The following CRACDL variants were observed in gnomAD, a reference collection of about 807,000 sequenced individuals.
The protein encoded by CRACDL is CRACD-like protein.
Under a neutral mutation model 70.6 loss-of-function variants are expected in CRACDL, and 26 were observed. The ratio of observed to expected loss-of-function variants is 0.37; its 90% CI spans 0.27 to 0.51. The LOEUF is 0.51. Ranked by LOEUF, CRACDL falls within the 20% of genes least tolerant of loss-of-function variation. The probability of loss-of-function intolerance (pLI) is 0.94; values close to 1 mark genes in which losing one functional copy is unlikely to be tolerated. For synonymous variants in CRACDL, 618 were observed against 615.2 expected (o/e 1.00, Z -0.07); for missense variants, 1,283 against 1,376.9 (o/e 0.93, Z 1.08).
intron 1 of CRACDL, among the ~76,000 whole-genome samples, chr2:98,921,759 GTC>G (rs1708807950): frequency 6.6e-6 from 1 of 152,168 alleles, no homozygotes; most frequent in African/African-American, 2.4e-5. Context: ...CTGAGGTGGG[GTC>G]TCTCTGTGCT....
Position 98,822,328 on chromosome 2 carries a change from C to G in CRACDL, c.1945G>C (p.Gly649Arg), listed in dbSNP as rs1218627066. The G allele has an allele frequency of 2.7e-5, 39 of 1,459,380 alleles. No individual in the cohort carries two copies. The highest frequency in any genetic ancestry group is 3.3e-5 in the Non-Finnish European group (37 of 1,117,576). 90.4% of individuals were successfully genotyped at this position (1,459,380 alleles called of 1,614,324 possible). The change falls in exon 7 of 10, where the codon GGG becomes CGG. Residue 649 changes from glycine to arginine, a missense_variant. Physicochemically the swap from Gly to Arg is moderately radical, Grantham distance 125 (BLOSUM62 -2). Coordinates refer to ENST00000397899, the MANE Select transcript of CRACDL (RefSeq NM_207362.3). The surrounding 1 kb of genome is among the most constrained non-coding windows in gnomAD (Gnocchi z 4.9). Reference protein sequence around the residue: ...DSGDRAASPAGPRKSPQEAAA... With the variant: ...DSGDRAASPARPRKSPQEAAA... Reference sequence around the variant, plus strand: ...GCCTCCTGAGGGCTCTTGCGCGGCCCGGCCGGGCTGGCCGCCCTGTCCCCC... The same window carrying G: ...GCCTCCTGAGGGCTCTTGCGCGGCCGGGCCGGGCTGGCCGCCCTGTCCCCC...
At chr2:98,844,761 G>A (rs1376370923) in intron 2 of CRACDL, among the ~76,000 whole-genome samples, 1 of 152,170 alleles carries the variant, frequency 6.6e-6, no homozygotes, top group Non-Finnish European at 1.5e-5. Flanking sequence ...TCATGATACT[G>A]AAAATATATT....
intron 7 of CRACDL, among the ~76,000 whole-genome samples, chr2:98,816,213 C>T (rs946959133): frequency 1.3e-5 from 2 of 152,196 alleles, no homozygotes; most frequent in African/African-American, 4.8e-5. Flanking sequence ...CCAGCTCCTC[C>T]TCTTACCTAC....
At chr2:98,914,847 C>T (rs1459746800) in intron 1 of CRACDL, among the ~76,000 whole-genome samples, 1 of 152,196 alleles carries the variant, frequency 6.6e-6, no homozygotes, top group African/African-American at 2.4e-5. Context: ...TCCTCCTGTG[C>T]CCGGTTAGAC....
intron 7 of CRACDL, among the ~76,000 whole-genome samples, chr2:98,810,493 A>G (rs767717220): frequency 6.6e-6 from 1 of 152,180 alleles, no homozygotes; most frequent in Non-Finnish European, 1.5e-5. Context: ...TGTAGGTGTC[A>G]GGTTAAAGAT....
intron 1 of CRACDL, among the ~76,000 whole-genome samples, chr2:98,931,850 CAT>C (rs1709087499): frequency 6.6e-6 from 1 of 152,204 alleles, no homozygotes; most frequent in Admixed American, 6.5e-5. Context: ...CATTTCCCAT[CAT>C]TTCACTGCTA....
chr2:98,906,704 C>T (rs113950482), intron 1 of CRACDL, among the ~76,000 whole-genome samples: 12 of 152,174 alleles, frequency 7.9e-5, no homozygotes, highest in African/African-American at 2.4e-4. Flanking sequence ...ATTTATCGAC[C>T]TTTTCTCTTT....
At chr2:98,811,994 T>G (rs931539584) in intron 7 of CRACDL, among the ~76,000 whole-genome samples, 2 of 152,336 alleles carry the variant, frequency 1.3e-5, no homozygotes, top group South Asian at 4.1e-4. Context: ...TTTTTACTTT[T>G]GAGACAGTGT....
At chr2:98,907,964 C>T (rs1336387664) in intron 1 of CRACDL, among the ~76,000 whole-genome samples, 1 of 152,190 alleles carries the variant, frequency 6.6e-6, no homozygotes. Context: ...ACGTGTTAAA[C>T]ATCTCTGCAA....
At position 98,797,455 on chromosome 2, in the gene CRACDL, C is replaced by T. The variant is rs1024393973; in HGVS notation, c.2499G>A (p.Lys833=). 1 of 1,614,272 alleles carries T rather than the reference C, an allele frequency of 6.2e-7. No homozygotes were observed. Among genetic ancestry groups the T allele is most frequent in the Non-Finnish European group, 8.5e-7 (1 of 1,180,054 alleles). ...GTGGCTGGTCCAAGGTCCCCCTCCG[C>T]TTCTGCCGAGTGACGGTGATCCAGG... ...APPWITVTRQ[K]RRGTLDQPPN... is the part of the protein sequence containing the mutation. Residue 833 remains lysine, a synonymous_variant, in exon 8 of 10, where the codon AAG becomes AAA. Coordinates refer to ENST00000397899, the MANE Select transcript of CRACDL (RefSeq NM_207362.3).
At position 98,879,638 on chromosome 2, in the gene CRACDL, T is replaced by G. The variant is rs1051992146; in HGVS notation, c.-10-32828A>C. On this transcript the variant is annotated intron_variant, in intron 1 of 9. Transcript: ENST00000397899. ...ATCTCGGCTCACTGCAACCTTTCCC[T>G]CCTGGGTTCAAGCAATTCTCCTGCC... 2.6e-5 allele frequency among the ~76,000 whole-genome samples: 4 copies of G among 152,200 alleles called. No individual in the cohort carries two copies. The East Asian group carries it at 7.7e-4, about 29-fold the overall frequency.
At chr2:98,922,766 G>A (rs1004004848) in intron 1 of CRACDL, among the ~76,000 whole-genome samples, 4 of 152,196 alleles carry the variant, frequency 2.6e-5, no homozygotes, top group African/African-American at 9.6e-5. Flanking sequence ...CTTGTGAGGG[G>A]CCAGGGAGGA....
At chr2:98,803,282 GA>G (rs1444142440) in intron 7 of CRACDL, among the ~76,000 whole-genome samples, 1 of 152,122 alleles carries the variant, frequency 6.6e-6, no homozygotes, top group African/African-American at 2.4e-5. Flanking sequence ...TTACAGGCAT[GA>G]GCCACTGTGC....
Position 98,797,494 on chromosome 2 carries a change from C to T in CRACDL, c.2460G>A (p.Gly820=), listed in dbSNP as rs1366241074. 6.2e-7 allele frequency: 1 copy of T among 1,614,020 alleles called. No individual in the cohort carries two copies. Among genetic ancestry groups the T allele is most frequent in the African/African-American group, 1.3e-5 (1 of 74,932 alleles). Residue 820 remains glycine, a synonymous_variant, in exon 8 of 10, where the codon GGG becomes GGA. Transcript: ENST00000397899. ...CGGTGATCCAGGGTGGCGCAGGCTG[C>T]CCATCAGCTCCAGGCCCTGTTGCTG... is the stretch of plus-strand genomic sequence containing the variant. ...PPAATGPGAD[G]QPAPPWITVT...
intron 3 of CRACDL, among the ~76,000 whole-genome samples, chr2:98,834,362 C>T (rs1401066304): frequency 6.6e-6 from 1 of 152,200 alleles, no homozygotes; most frequent in Non-Finnish European, 1.5e-5. Context: ...CCATGAATGT[C>T]ATACAATGGA....
intron 1 of CRACDL, among the ~76,000 whole-genome samples, chr2:98,866,029 C>T (rs532411685): frequency 1.7e-3 from 265 of 152,178 alleles, no homozygotes; most frequent in African/African-American, 6.3e-3. Context: ...GTGTGCAAAA[C>T]CTTCTCTGTC....
chr2:98,827,196 G>A (rs1705341123), intron 5 of CRACDL, 27 bp from the exon 6 acceptor site: 8 of 1,562,328 alleles, frequency 5.1e-6, no homozygotes, highest in African/African-American at 4.0e-5. Flanking sequence ...ACAAACACAC[G>A]GAGCATGAAC....
intron 7 of CRACDL, among the ~76,000 whole-genome samples, chr2:98,800,306 G>T (rs1704019946): frequency 1.3e-5 from 2 of 152,194 alleles, no homozygotes; most frequent in Admixed American, 6.5e-5. Flanking sequence ...CTTCTGGGTT[G>T]GGATCTGGAG....
At chr2:98,849,222 G>T (rs1352282197) in intron 1 of CRACDL, among the ~76,000 whole-genome samples, 1 of 152,222 alleles carries the variant, frequency 6.6e-6, no homozygotes, top group African/African-American at 2.4e-5. Context: ...TCATGCACTG[G>T]GTCTGATGGG....
Sources: gnomAD v4.1 joint callset for allele counts (sites outside exome capture counted in the v4.1 genomes callset) on GRCh38, gnomAD v4.1.1 for gene constraint, Gnocchi (gnomAD v3.1) non-coding constraint, MANE v1.5 for transcripts, NCBI Gene and HGNC (gene_info 2026-07-23, HGNC 2026-07-21) for gene names.